WRN: variants seen among roughly 807,000 people sequenced by gnomAD.
WRN encodes the protein WRN RecQ like helicase.
In WRN, 149 loss-of-function variants were observed where a neutral mutation model predicts 180.7. That is an observed-to-expected ratio of 0.82 (90% confidence interval 0.72 to 0.94). The LOEUF (loss-of-function observed/expected upper bound fraction) is 0.94. Among genes scored for constraint, WRN ranks in the 40% least tolerant of loss-of-function variants. The pLI, the probability that WRN is intolerant of heterozygous loss-of-function variation, is 0.00. For synonymous variants in WRN, 548 were observed against 568.9 expected (o/e 0.96, Z 0.52); for missense variants, 1,661 against 1,700.1 (o/e 0.98, Z 0.40).
At chr8:31,120,689 G>T (rs1216698603) in intron 21 of WRN, among the ~76,000 whole-genome samples, 1 of 151,868 alleles carries the variant, frequency 6.6e-6, no homozygotes, top group Non-Finnish European at 1.5e-5. Context: ...GACAATACTT[G>T]GGCCTGTCAC....
intron 28 of WRN, among the ~76,000 whole-genome samples, chr8:31,145,762 G>A (rs1802835106): frequency 6.6e-6 from 1 of 152,100 alleles, no homozygotes; most frequent in Non-Finnish European, 1.5e-5. Flanking sequence ...AAGTCATGAA[G>A]AATATTTGTG....
rs1213071634 is a variant in WRN at position 31,148,685 on chromosome 8, G to A, written c.3572+1209G>A. Among the ~76,000 whole-genome samples the A allele has an allele frequency of 2.6e-5, 4 of 152,256 alleles. No individual in the cohort carries two copies. In the East Asian group the frequency reaches 7.7e-4, roughly 29 times the overall value. On this transcript the variant is annotated intron_variant, in intron 30 of 34. Transcript: ENST00000298139. ...TAAAGACTATGAGAAGGTCTTTCAT[G>A]ATCTTATCAGCAAAGTAATTCCTCT...
intron 23 of WRN, chr8:31,131,473 T>A (rs1330531446): frequency 6.6e-6 from 1 of 152,330 alleles, no homozygotes; most frequent in African/African-American, 2.4e-5. Context: ...AGCTTTCTAA[T>A]TGAGACTGTC....
chr8:31,147,019 G>A (rs1477497207), intron 28 of WRN, 34 bp from the exon 29 acceptor site: 1 of 1,538,236 alleles, frequency 6.5e-7, no homozygotes, highest in Non-Finnish European at 8.9e-7. Context: ...AGAAAGAAAA[G>A]CTTTTATTAT....
rs534280133 is a variant in WRN, at chr8:31,175,302, G to A, written c.*2200G>A. On this transcript the variant is annotated 3_prime_UTR_variant, in exon 35 of 35. Transcript: ENST00000298139. ...ATACAAAAATTAGCTGGGTGTGTTG[G>A]TGCGTGCCTATAATCCCAGCTACTC... Among the ~76,000 whole-genome samples the A allele has an allele frequency of 2.1e-4, 32 of 152,256 alleles. No homozygotes were observed. The South Asian group carries it at 6.4e-3, about 31-fold the overall frequency.
At chr8:31,155,681 T>G (rs1803360159) in intron 32 of WRN, among the ~76,000 whole-genome samples, 1 of 152,014 alleles carries the variant, frequency 6.6e-6, no homozygotes, top group Admixed American at 6.6e-5. Flanking sequence ...AGATAAATCT[T>G]TAAGGCTGTT....
At chr8:31,057,244 A>G (rs528811891) in intron 1 of WRN, among the ~76,000 whole-genome samples, 8 of 152,278 alleles carry the variant, frequency 5.3e-5, no homozygotes, top group South Asian at 2.1e-4. Flanking sequence ...CTGTTTCATC[A>G]TGAGACTCTT....
Position 31,087,767 on chromosome 8 carries a change from A to G in WRN, c.1432-9A>G. On this transcript the variant is annotated splice_polypyrimidine_tract_variant and intron_variant, in intron 11 of 34. Transcript: ENST00000298139. The stretch of plus-strand genomic sequence containing the variant: ...GGTTTTGCTTTTAAGATTTCTTTTA[A>G]ACTTTCAGTCTTTAGAAAACCTCAA... 6.2e-7 allele frequency: 1 copy of G among 1,612,934 alleles called. No individual in the cohort carries two copies. Among genetic ancestry groups the G allele is most frequent in the Non-Finnish European group, 8.5e-7 (1 of 1,179,258 alleles).
At chr8:31,100,421 G>C (rs538268679) in intron 17 of WRN, among the ~76,000 whole-genome samples, 4 of 152,138 alleles carry the variant, frequency 2.6e-5, no homozygotes, top group Non-Finnish European at 4.4e-5. Flanking sequence ...ATCAATCATG[G>C]ATGGCGATGC....
At chr8:31,150,059 T>C (rs1454446379) in intron 30 of WRN, among the ~76,000 whole-genome samples, 8 of 152,202 alleles carry the variant, frequency 5.3e-5, no homozygotes, top group Admixed American at 2.6e-4. Context: ...AAAGTGAATA[T>C]ATGAGATGTT....
At chr8:31,114,893 G>GATTTTTTTTTTTTT (rs764937166) in intron 19 of WRN, among the ~76,000 whole-genome samples, 1 of 136,174 alleles carries the variant, frequency 7.3e-6, no homozygotes. Flanking sequence ...TTTAAAATAA[G>GATTTTTTTTTTTTT]GTTTTTTTTT....
At chr8:31,120,769 T>A (rs952388046) in intron 21 of WRN, among the ~76,000 whole-genome samples, 4 of 152,006 alleles carry the variant, frequency 2.6e-5, no homozygotes. Context: ...CCTCAGATCC[T>A]GTCAAGTTGC....
chr8:31,142,803 G>A, intron 27 of WRN, 102 bp downstream of exon 27: 1 of 1,075,474 alleles, frequency 9.3e-7, no homozygotes, highest in Non-Finnish European at 1.3e-6. Flanking sequence ...AGAGAAAATG[G>A]CATATATAAC....
intron 24 of WRN, among the ~76,000 whole-genome samples, chr8:31,135,133 G>A (rs1011199088): frequency 6.6e-6 from 1 of 152,112 alleles, no homozygotes; most frequent in South Asian, 2.1e-4. Flanking sequence ...GCTTGATGCA[G>A]CCTTGAACTC....
rs552448152 is a variant in WRN, at chr8:31,124,514, A to G, written c.2631-8A>G. On this transcript the variant is annotated splice_polypyrimidine_tract_variant and splice_region_variant and intron_variant, in intron 21 of 34. Transcript: ENST00000298139. ...TTTACATATTCCTGTGATGTTTTTAATCGACAGGCACCTTCTTACTGAGAT... is the reference window on the plus strand; with the variant it reads ...TTTACATATTCCTGTGATGTTTTTAGTCGACAGGCACCTTCTTACTGAGAT... 6.2e-7 allele frequency: 1 copy of G among 1,605,490 alleles called. No individual in the cohort carries two copies. Among genetic ancestry groups the G allele is most frequent in the East Asian group, 2.2e-5 (1 of 44,698 alleles).
chr8:31,059,335 G>A (rs951805442), intron 3 of WRN, 70 bp downstream of exon 3: 5 of 1,278,196 alleles, frequency 3.9e-6, no homozygotes, highest in African/African-American at 2.9e-5. Flanking sequence ...GGTAATGTTT[G>A]TGAATATACT....
chr8:31,146,023 GAAATTAGT>G (rs1802843504), intron 28 of WRN, among the ~76,000 whole-genome samples: 1 of 151,438 alleles, frequency 6.6e-6, no homozygotes, highest in African/African-American at 2.4e-5. Flanking sequence ...AAGTTAATTG[GAAATTAGT>G]GGCTTATGAC....
At chr8:31,150,541 C>T (rs1803083964) in intron 31 of WRN, 86 bp downstream of exon 31, 2 of 1,162,956 alleles carry the variant, frequency 1.7e-6, no homozygotes, top group Non-Finnish European at 2.6e-6. Flanking sequence ...GCAACATTTG[C>T]TCACTTTATT....
intron 17 of WRN, among the ~76,000 whole-genome samples, chr8:31,100,203 A>T (rs977700962): frequency 2.6e-5 from 4 of 152,158 alleles, no homozygotes; most frequent in Non-Finnish European, 5.9e-5. Context: ...ATTACAACAC[A>T]CTATTGATTC....
Sources: gnomAD v4.1 joint callset for allele counts (sites outside exome capture counted in the v4.1 genomes callset) on GRCh38, gnomAD v4.1.1 for gene constraint, MANE v1.5 for transcripts, NCBI Gene and HGNC (gene_info 2026-07-23, HGNC 2026-07-21) for gene names.